GPR158: variants seen among roughly 807,000 people sequenced by gnomAD.
GPR158 encodes G protein-coupled receptor 158, also known as metabotropic glycine receptor.
In GPR158, 30 loss-of-function variants were observed where a neutral mutation model predicts 78.2. That is an observed-to-expected ratio of 0.38 (90% CI 0.29 to 0.52). The LOEUF (loss-of-function observed/expected upper bound fraction) is 0.52. Ranked by LOEUF, GPR158 falls within the 20% of genes least tolerant of loss-of-function variation. GPR158 has a pLI of 0.83. For missense variants in GPR158, 1,463 were observed against 1,523.5 expected (o/e 0.96, Z 0.66); for synonymous variants, 581 against 591.1 (o/e 0.98, Z 0.25).
At chr10:25,410,207 T>C (rs1483203504) in intron 3 of GPR158, among the ~76,000 whole-genome samples, 1 of 152,232 alleles carries the variant, frequency 6.6e-6, no homozygotes, top group Non-Finnish European at 1.5e-5. Context: ...AGTTCTGTCT[T>C]CTAACTTCTC....
intron 5 of GPR158, among the ~76,000 whole-genome samples, chr10:25,478,801 C>CCG (rs1564466711): frequency 8.0e-6 from 1 of 124,408 alleles, no homozygotes; most frequent in Non-Finnish European, 1.7e-5. Flanking sequence ...TCCCTCCCCC[C>CCG]ACCCCACGAC....
intron 4 of GPR158, among the ~76,000 whole-genome samples, chr10:25,449,253 A>G (rs1288948618): frequency 1.3e-5 from 2 of 152,270 alleles, no homozygotes; most frequent in Admixed American, 1.3e-4. Context: ...ATGATGTCTC[A>G]TTTTCAGTCT....
intron 2 of GPR158, among the ~76,000 whole-genome samples, chr10:25,254,551 T>TG (rs1157567904): frequency 3.9e-5 from 6 of 152,138 alleles, no homozygotes; most frequent in African/African-American, 1.4e-4. Context: ...ATAAATGAGA[T>TG]GGGGATCACT....
At chr10:25,296,765 T>C (rs901908346) in intron 2 of GPR158, among the ~76,000 whole-genome samples, 2 of 152,182 alleles carry the variant, frequency 1.3e-5, no homozygotes, top group African/African-American at 4.8e-5. Flanking sequence ...CATTTTACAG[T>C]TGAGGAAAGT....
chr10:25,189,913 G>A (rs979796034), intron 1 of GPR158, among the ~76,000 whole-genome samples: 3 of 150,828 alleles, frequency 2.0e-5, no homozygotes, highest in Non-Finnish European at 4.4e-5. Context: ...GGGAAGGGGG[G>A]TACAGTTTGG....
chr10:25,213,595 T>G (rs1003265704), intron 1 of GPR158, among the ~76,000 whole-genome samples: 2 of 151,992 alleles, frequency 1.3e-5, no homozygotes, highest in African/African-American at 4.8e-5. Context: ...TGCCCTCATG[T>G]GGTTTGGAAT....
intron 3 of GPR158, among the ~76,000 whole-genome samples, chr10:25,398,796 A>G (rs895823133): frequency 3.3e-5 from 5 of 152,142 alleles, no homozygotes; most frequent in African/African-American, 4.8e-5. Flanking sequence ...TTTAGCTTTG[A>G]TTCAGCTTTG....
intron 2 of GPR158, among the ~76,000 whole-genome samples, chr10:25,245,971 T>C (rs1236203764): frequency 6.6e-6 from 1 of 152,230 alleles, no homozygotes; most frequent in African/African-American, 2.4e-5. Flanking sequence ...AATAGAATTT[T>C]GTTTCTGTTT....
chr10:25,328,567 A>G (rs1855068720), intron 2 of GPR158, among the ~76,000 whole-genome samples: 1 of 152,164 alleles, frequency 6.6e-6, no homozygotes, highest in South Asian at 2.1e-4. Context: ...ATCTTTAATG[A>G]CTTAAAAGTC....
intron 2 of GPR158, 34 bp from the exon 3 acceptor site, chr10:25,395,877 G>T: frequency 9.7e-7 from 1 of 1,032,206 alleles, no homozygotes; most frequent in South Asian, 1.3e-5. Flanking sequence ...GATAAGCCAT[G>T]ATCAACTATG....
intron 7 of GPR158, among the ~76,000 whole-genome samples, chr10:25,576,701 T>G (rs934416614): frequency 1.1e-4 from 16 of 152,152 alleles, no homozygotes; most frequent in African/African-American, 3.9e-4. Context: ...AAGAGATTGA[T>G]TATAGTGGTA....
In GPR158 at chr10:25,486,174, T is replaced by C. The variant is rs144363683; in HGVS notation, c.1404+19455T>C. 1.8e-3 allele frequency among the ~76,000 whole-genome samples: 277 copies of C among 152,286 alleles called. 1 individual carries two copies. Among genetic ancestry groups the C allele is most frequent in the Non-Finnish European group, 3.2e-3 (220 of 68,018 alleles). Reference sequence around the variant, plus strand: ...CAAATGGGCTAAGGCAGGGATCATATAAACATGATTAATTCAAAAATAGAC... The same window carrying C: ...CAAATGGGCTAAGGCAGGGATCATACAAACATGATTAATTCAAAAATAGAC... On this transcript the variant is annotated intron_variant, in intron 5 of 10. Transcript: ENST00000376351.
intron 6 of GPR158, among the ~76,000 whole-genome samples, chr10:25,571,479 A>G (rs879870854): frequency 2.7e-4 from 41 of 152,296 alleles, no homozygotes; most frequent in Admixed American, 6.5e-4. Context: ...AATTCATATG[A>G]CTTAAAATTA....
intron 1 of GPR158, among the ~76,000 whole-genome samples, chr10:25,187,051 A>G (rs1204064459): frequency 7.2e-6 from 1 of 138,104 alleles, no homozygotes; most frequent in Non-Finnish European, 1.5e-5. Context: ...TGCAAACTCC[A>G]CCTCCCGAGT....
At chr10:25,375,519 C>G (rs1834066244) in intron 2 of GPR158, among the ~76,000 whole-genome samples, 1 of 151,286 alleles carries the variant, frequency 6.6e-6, no homozygotes, top group Non-Finnish European at 1.5e-5. Flanking sequence ...GCCCATGATC[C>G]ATTTTGAGTT....
chr10:25,211,143 A>G (rs1303941733), intron 1 of GPR158, among the ~76,000 whole-genome samples: 1 of 150,152 alleles, frequency 6.7e-6, no homozygotes, highest in Non-Finnish European at 1.5e-5. Context: ...GAAAAAAGAA[A>G]AAAAAAAAAA....
Position 25,267,243 on chromosome 10 carries a change from C to T in GPR158, c.1008+46086C>T, listed in dbSNP as rs542968068. On this transcript the variant is annotated intron_variant, in intron 2 of 10. Transcript: ENST00000376351. ...TAAAGCAGAGAGGTTTAATTGAGTC[C>T]GAGTTCAGCTTGGCTGGGGAGGCCT... Among the ~76,000 whole-genome samples the T allele has an allele frequency of 3.9e-5, 6 of 152,166 alleles. No homozygotes were observed. In the South Asian group the frequency reaches 6.2e-4, roughly 16 times the overall value.
chr10:25,341,944 C>A (rs560775221), intron 2 of GPR158, among the ~76,000 whole-genome samples: 1 of 152,074 alleles, frequency 6.6e-6, no homozygotes, highest in East Asian at 1.9e-4. Flanking sequence ...CAGCAAATCC[C>A]TCCATTTTTC....
chr10:25,328,782 C>T (rs1166543276), intron 2 of GPR158, among the ~76,000 whole-genome samples: 2 of 151,696 alleles, frequency 1.3e-5, no homozygotes, highest in Non-Finnish European at 2.9e-5. Context: ...CAAAAATTAG[C>T]CAGGCATCAT....
Sources: allele counts gnomAD v4.1 joint callset (sites outside exome capture counted in the v4.1 genomes callset), GRCh38; gene constraint gnomAD v4.1.1; transcripts MANE v1.5; gene names NCBI Gene and HGNC (gene_info 2026-07-23, HGNC 2026-07-21).